LRRTM4: variants seen among roughly 807,000 people sequenced by gnomAD.
LRRTM4 encodes the protein leucine rich repeat transmembrane neuronal 4.
LRRTM4 carries 25 observed loss-of-function variants against 47.6 expected under a neutral mutation model. The observed-to-expected ratio is 0.53, with a 90% CI of 0.38 to 0.73. LRRTM4 has a LOEUF of 0.73. LRRTM4 is among the 30% of genes least tolerant of loss of function. The pLI, the probability that LRRTM4 is intolerant of heterozygous loss-of-function variation, is 0.00. For missense variants in LRRTM4, 638 were observed against 713.4 expected (o/e 0.89, Z 1.20); for synonymous variants, 311 against 269.5 (o/e 1.15, Z -1.51).
At chr2:76,763,470 C>T (rs969275619) in intron 3 of LRRTM4, among the ~76,000 whole-genome samples, 2 of 152,224 alleles carry the variant, frequency 1.3e-5, no homozygotes, top group African/African-American at 4.8e-5. Flanking sequence ...CACCCACAAC[C>T]TAAGAGAAGA....
At chr2:77,302,460 A>C (rs1677156268) in intron 3 of LRRTM4, among the ~76,000 whole-genome samples, 1 of 152,244 alleles carries the variant, frequency 6.6e-6, no homozygotes. Flanking sequence ...ACTGGGATTC[A>C]AGAGTTCCTC....
At chr2:77,247,430 C>A (rs1377695004) in intron 3 of LRRTM4, among the ~76,000 whole-genome samples, 2 of 151,966 alleles carry the variant, frequency 1.3e-5, no homozygotes, top group Non-Finnish European at 2.9e-5. Flanking sequence ...CGTGAAAAAA[C>A]CGTCTGTCTA....
chr2:77,294,249 T>G, intron 3 of LRRTM4, among the ~76,000 whole-genome samples: 1 of 147,774 alleles, frequency 6.8e-6, no homozygotes, highest in South Asian at 2.1e-4. Context: ...CAATAGTGAC[T>G]TTTTTTGGAA....
chr2:77,079,642 C>T (rs780392594), intron 3 of LRRTM4, among the ~76,000 whole-genome samples: 1 of 152,152 alleles, frequency 6.6e-6, no homozygotes, highest in African/African-American at 2.4e-5. Flanking sequence ...TGCTGAATGA[C>T]CTGCACATCT....
chr2:76,860,648 A>G (rs138565417), intron 3 of LRRTM4, among the ~76,000 whole-genome samples: 1 of 152,172 alleles, frequency 6.6e-6, no homozygotes, highest in East Asian at 1.9e-4. Flanking sequence ...TTTGGATTTT[A>G]AGACTGTTCT....
At chr2:77,203,608 C>A (rs1049345290) in intron 3 of LRRTM4, among the ~76,000 whole-genome samples, 1 of 152,138 alleles carries the variant, frequency 6.6e-6, no homozygotes, top group African/African-American at 2.4e-5. Context: ...TGTTTCTGAT[C>A]ATCAGAATGT....
At chr2:77,429,135 G>C (rs551366685) in intron 3 of LRRTM4, among the ~76,000 whole-genome samples, 1 of 152,258 alleles carries the variant, frequency 6.6e-6, no homozygotes, top group South Asian at 2.1e-4. Context: ...GTAAAGTGCA[G>C]GAAGAACTCA....
At position 77,146,824 on chromosome 2, in the gene LRRTM4, A is replaced by G. The variant is rs541914201; in HGVS notation, c.1551+371494T>C. Among the ~76,000 whole-genome samples the G allele has an allele frequency of 2.0e-5, 3 of 152,278 alleles. No homozygotes were observed. In the South Asian group the frequency reaches 6.2e-4, roughly 32 times the overall value. On this transcript the variant is annotated intron_variant, in intron 3 of 3. Coordinates refer to ENST00000409884, the MANE Select transcript of LRRTM4 (RefSeq NM_001134745.3). Reference sequence around the variant, plus strand: ...TCACAGTGAAGCAACTTATGCAGACAGTTGGAAGAATTAAGGATCTCTTCT... The same window carrying G: ...TCACAGTGAAGCAACTTATGCAGACGGTTGGAAGAATTAAGGATCTCTTCT...
At chr2:76,917,011 G>A (rs571069836) in intron 3 of LRRTM4, among the ~76,000 whole-genome samples, 6 of 152,224 alleles carry the variant, frequency 3.9e-5, no homozygotes, top group Admixed American at 6.5e-5. Context: ...TTATTTTCGG[G>A]GAGGATGTGC....
intron 3 of LRRTM4, among the ~76,000 whole-genome samples, chr2:77,335,870 T>G (rs183719554): frequency 6.6e-6 from 1 of 152,102 alleles, no homozygotes. Flanking sequence ...AAGAGGTAGA[T>G]AGCAAATATT....
intron 3 of LRRTM4, among the ~76,000 whole-genome samples, chr2:76,813,450 A>G (rs997868574): frequency 5.3e-5 from 8 of 152,188 alleles, no homozygotes; most frequent in African/African-American, 1.9e-4. Context: ...ATTTCATGAC[A>G]GGAGATCCCC....
chr2:76,957,949 T>C (rs1048148673), intron 3 of LRRTM4, among the ~76,000 whole-genome samples: 3 of 151,578 alleles, frequency 2.0e-5, no homozygotes, highest in Non-Finnish European at 4.4e-5. Context: ...TGTATATATA[T>C]TTATATATAA....
At chr2:77,020,235 C>T (rs1385714697) in intron 3 of LRRTM4, among the ~76,000 whole-genome samples, 1 of 152,050 alleles carries the variant, frequency 6.6e-6, no homozygotes, top group African/African-American at 2.4e-5. Context: ...AAAATAAAAA[C>T]CTTAATATTC....
chr2:76,806,445 G>A, intron 3 of LRRTM4, among the ~76,000 whole-genome samples: 1 of 152,218 alleles, frequency 6.6e-6, no homozygotes, highest in Admixed American at 6.5e-5. Flanking sequence ...GCAGGGCGTG[G>A]TAGCGCACGC....
intron 3 of LRRTM4, among the ~76,000 whole-genome samples, chr2:76,966,059 T>C (rs920310731): frequency 1.3e-5 from 2 of 151,492 alleles, no homozygotes; most frequent in Admixed American, 1.3e-4. Context: ...ACAACAATTT[T>C]AGGAAAGATG....
At chr2:77,079,373 A>G (rs1275921490) in intron 3 of LRRTM4, among the ~76,000 whole-genome samples, 1 of 152,182 alleles carries the variant, frequency 6.6e-6, no homozygotes, top group Non-Finnish European at 1.5e-5. Flanking sequence ...ATCTGTGCCT[A>G]CTGATTTACA....
chr2:77,504,052 G>A (rs1250807425), intron 3 of LRRTM4, among the ~76,000 whole-genome samples: 1 of 151,592 alleles, frequency 6.6e-6, no homozygotes, highest in Non-Finnish European at 1.5e-5. Flanking sequence ...GTATAATACA[G>A]AGCAGTAATA....
chr2:77,130,355 A>G (rs928567244), intron 3 of LRRTM4, among the ~76,000 whole-genome samples: 5 of 151,990 alleles, frequency 3.3e-5, no homozygotes, highest in African/African-American at 9.7e-5. Context: ...TTAGTTTTCC[A>G]TGTCATTATT....
chr2:76,941,958 A>G (rs996426529), intron 3 of LRRTM4, among the ~76,000 whole-genome samples: 4 of 152,174 alleles, frequency 2.6e-5, no homozygotes, highest in African/African-American at 4.8e-5. Context: ...ATTTTTCCAC[A>G]TCGTCTCCAG....
Sources: gnomAD v4.1 joint callset for allele counts (sites outside exome capture counted in the v4.1 genomes callset) on GRCh38, gnomAD v4.1.1 for gene constraint, MANE v1.5 for transcripts, NCBI Gene and HGNC (gene_info 2026-07-23, HGNC 2026-07-21) for gene names.